Variants in PSAP observed in about 807,000 individuals in gnomAD.
PSAP encodes precursor of saposins.
A neutral mutation model predicts 66.0 loss-of-function variants in PSAP; 25 were observed. That is an observed-to-expected ratio of 0.38 (90% CI 0.28 to 0.53). The LOEUF is 0.53. PSAP is among the 20% of genes least tolerant of loss of function. The pLI is 0.83. For missense variants in PSAP, 649 were observed against 668.8 expected, an observed-to-expected ratio of 0.97 and a Z score of 0.33; for synonymous variants, 273 against 258.9, an observed-to-expected ratio of 1.05 and a Z score of -0.52.
chr10:71,838,974 C>A (rs1842678026), intron 1 of PSAP, among the ~76,000 whole-genome samples: 1 of 152,156 alleles, frequency 6.6e-6, no homozygotes, highest in Non-Finnish European at 1.5e-5. Context: ...TAAACACTAC[C>A]CAAAAACACT....
intron 1 of PSAP, among the ~76,000 whole-genome samples, chr10:71,847,420 C>T (rs909310565): frequency 6.6e-6 from 1 of 152,250 alleles, no homozygotes; most frequent in Admixed American, 6.5e-5. Flanking sequence ...TGGTGGTGGG[C>T]ACCTATAATC....
In PSAP at chr10:71,819,636, C is replaced by T. The variant is rs1454774084; in HGVS notation, c.1193-14G>A. 2 of 1,614,146 alleles carry T rather than the reference C, an allele frequency of 1.2e-6. No individual in the cohort carries two copies. The highest frequency in any genetic ancestry group is 1.7e-6 in the Non-Finnish European group (2 of 1,180,020). On this transcript the variant is annotated splice_polypyrimidine_tract_variant and intron_variant, in intron 10 of 13. Transcript: ENST00000394936. ...GAGTCACGTGAACTACATAAGAGGG[C>T]AGCGGGCTCAACGCTGGCAGGGCCC...
At chr10:71,818,838 GCT>G (rs1242487130) in intron 12 of PSAP, 114 bp from the exon 13 acceptor site, 1 of 1,070,224 alleles carries the variant, frequency 9.3e-7, no homozygotes, top group Admixed American at 1.8e-5. Flanking sequence ...GCTCCACCAC[GCT>G]CTTTCAGAAC....
intron 1 of PSAP, among the ~76,000 whole-genome samples, chr10:71,837,224 A>G (rs1208171680): frequency 1.3e-5 from 2 of 152,322 alleles, no homozygotes; most frequent in South Asian, 4.1e-4. Flanking sequence ...GCATGTTACA[A>G]AAACAGCCTG....
intron 1 of PSAP, among the ~76,000 whole-genome samples, chr10:71,841,327 T>G (rs1397169089): frequency 6.6e-6 from 1 of 152,252 alleles, no homozygotes; most frequent in African/African-American, 2.4e-5. Context: ...TTAAAGAAAT[T>G]CAGTATTCTG....
In PSAP at chr10:71,819,520, A is replaced by G. The variant is rs1842250278; in HGVS notation, c.1295T>C (p.Ile432Thr). The change falls in exon 11 of 14, where the codon ATC becomes ACC. Residue 432 changes from isoleucine to threonine, a missense_variant. By Grantham distance (89) the Ile-to-Thr change is moderately conservative. Transcript: ENST00000394936. The stretch of plus-strand genomic sequence containing the variant: ...GCAGCCTTTCTCAAGAGCAGCCAGG[A>G]TCTCCTGCTTGGTGCTGTTTTTCTC... The part of the protein sequence containing the change: ...NLEKNSTKQE[I>T]LAALEKGCSF... The G allele has an allele frequency of 6.2e-7, 1 of 1,614,064 alleles. No individual in the cohort carries two copies. Among genetic ancestry groups the G allele is most frequent in the Non-Finnish European group, 8.5e-7 (1 of 1,180,048 alleles).
At chr10:71,829,245 A>G (rs1385585759) in intron 4 of PSAP, among the ~76,000 whole-genome samples, 168 bp from the exon 5 acceptor site, 2 of 152,130 alleles carry the variant, frequency 1.3e-5, no homozygotes, top group African/African-American at 2.4e-5. Flanking sequence ...AAAATTACCC[A>G]ATCCGAGTGC....
chr10:71,850,530 C>T (rs1842907873), intron 1 of PSAP, among the ~76,000 whole-genome samples: 1 of 152,182 alleles, frequency 6.6e-6, no homozygotes, highest in South Asian at 2.1e-4. Context: ...ATGTAAAACC[C>T]AGCTGTATCC....
Position 71,821,776 on chromosome 10 carries a change from A to G in PSAP, c.909+100T>C, listed in dbSNP as rs954592850. On this transcript the variant is annotated intron_variant, in intron 8 of 13. Coordinates refer to ENST00000394936, the MANE Select transcript of PSAP (RefSeq NM_002778.4). ...AAAGACCTTTAGGAGCCAGGCAGGG[A>G]ACCGAAAGAAACAAGTGACTCGTAA... 30 of 1,522,498 alleles carry G rather than the reference A, an allele frequency of 2.0e-5. No individual in the cohort carries two copies. In the East Asian group the frequency reaches 5.9e-4, roughly 30 times the overall value. 94.3% of individuals were successfully genotyped at this position (1,522,498 alleles called of 1,614,324 possible).
intron 6 of PSAP, among the ~76,000 whole-genome samples, chr10:71,826,387 A>G (rs1009566809): frequency 6.6e-6 from 1 of 152,262 alleles, no homozygotes; most frequent in Non-Finnish European, 1.5e-5. Flanking sequence ...TAGACTCCAC[A>G]GAATTGCTCC....
In PSAP at chr10:71,831,931, G is replaced by A. The variant is rs746103383; in HGVS notation, c.175-11C>T. The stretch of plus-strand genomic sequence containing the variant: ...GCAGGGAAGGGATTTCTAAGAGAAA[G>A]AATACGAGAAATTTGTATTTGCAGG... On this transcript the variant is annotated splice_polypyrimidine_tract_variant and intron_variant, in intron 2 of 13. Transcript: ENST00000394936. 5.6e-6 allele frequency: 9 copies of A among 1,612,686 alleles called. No individual in the cohort carries two copies. The highest frequency in any genetic ancestry group is 7.6e-6 in the Non-Finnish European group (9 of 1,178,924).
At chr10:71,825,351 G>A (rs1733578979) in intron 7 of PSAP, among the ~76,000 whole-genome samples, 1 of 152,206 alleles carries the variant, frequency 6.6e-6, no homozygotes, top group Admixed American at 6.5e-5. Context: ...TCTAATGAAG[G>A]AATGCCCCCT....
intron 1 of PSAP, among the ~76,000 whole-genome samples, chr10:71,835,482 G>A (rs1207165846): frequency 6.6e-6 from 1 of 151,890 alleles, no homozygotes; most frequent in Non-Finnish European, 1.5e-5. Context: ...TGAGGTGGGA[G>A]GATAGCTTGA....
intron 7 of PSAP, among the ~76,000 whole-genome samples, chr10:71,825,121 A>G (rs570478479): frequency 1.9e-4 from 29 of 152,298 alleles, no homozygotes; most frequent in Middle Eastern, 3.4e-3. Flanking sequence ...AGTACAAAAC[A>G]TGATGGGCCA....
chr10:71,832,268 G>A (rs1313612713), intron 2 of PSAP, among the ~76,000 whole-genome samples: 1 of 152,128 alleles, frequency 6.6e-6, no homozygotes, highest in Non-Finnish European at 1.5e-5. Context: ...TGGCAGAGAG[G>A]TGGGTGGGAC....
intron 1 of PSAP, among the ~76,000 whole-genome samples, chr10:71,849,695 G>T (rs755420009): frequency 1.3e-5 from 2 of 151,328 alleles, no homozygotes; most frequent in Non-Finnish European, 2.9e-5. Flanking sequence ...TTTTTTCACA[G>T]GTGGGGTCTT....
In PSAP at chr10:71,851,210, G is replaced by C. The variant is rs1457254996; in HGVS notation, c.12C>G (p.Leu4=). 3.2e-6 allele frequency: 5 copies of C among 1,551,158 alleles called. No individual in the cohort carries two copies. The East Asian group carries it at 7.3e-5, about 23-fold the overall frequency. ...CGCCCAGGAGGCTGGCCAGGAGGAA[G>C]AGGGCGTACATAGCGCCGTCTGACT... The part of the protein sequence containing the change: MYA[L]FLLASLLGAA... Residue 4 remains leucine (L), a synonymous_variant, in exon 1 of 14, where the codon CTC becomes CTG. Coordinates refer to ENST00000394936, the MANE Select transcript of PSAP (RefSeq NM_002778.4).
intron 1 of PSAP, among the ~76,000 whole-genome samples, chr10:71,838,655 C>G (rs1842673092): frequency 6.6e-6 from 1 of 152,124 alleles, no homozygotes; most frequent in Admixed American, 6.5e-5. Context: ...ACCAAGGAGG[C>G]TGAGGTGGGA....
intron 1 of PSAP, among the ~76,000 whole-genome samples, chr10:71,840,488 CATAG>C (rs1842715361): frequency 1.3e-5 from 2 of 152,362 alleles, no homozygotes; most frequent in South Asian, 4.1e-4. Context: ...GTCTCTTCCT[CATAG>C]ATAATCCTGC....
Sources: allele counts gnomAD v4.1 joint callset (sites outside exome capture counted in the v4.1 genomes callset), GRCh38; gene constraint gnomAD v4.1.1; transcripts MANE v1.5; gene names NCBI Gene and HGNC (gene_info 2026-07-23, HGNC 2026-07-21).